The following TACR3 variants were observed in gnomAD, a reference collection of about 807,000 sequenced individuals.
TACR3 encodes the protein neuromedin-K receptor.
A neutral mutation model predicts 35.0 loss-of-function variants in TACR3; 34 were observed. That is an observed-to-expected ratio of 0.97 (90% CI 0.74 to 1.30). The LOEUF (loss-of-function observed/expected upper bound fraction) is 1.30, where lower values mean the gene tolerates loss of function less well. Ranked by LOEUF, TACR3 falls within the 50% of genes most tolerant of loss-of-function variation. The pLI is 0.00. For missense variants in TACR3, 558 were observed against 591.7 expected (o/e 0.94, Z 0.59); for synonymous variants, 233 against 221.1 (o/e 1.05, Z -0.48).
At chr4:103,657,611 TA>T (rs1317954552) in intron 2 of TACR3, among the ~76,000 whole-genome samples, 3 of 152,080 alleles carry the variant, frequency 2.0e-5, no homozygotes, top group Non-Finnish European at 4.4e-5. Flanking sequence ...GATTATAATT[TA>T]AAAATCAAAT....
rs757148190 is a variant in TACR3, at chr4:103,700,257, G to A, written c.548+18871C>T. ...CTTTGTATTCCAGTTGGGAAGAAAT[G>A]TGCACAACTGTTTCCTTCTAGGTGG... On this transcript the variant is annotated intron_variant, in intron 1 of 4. Coordinates refer to ENST00000304883, the MANE Select transcript of TACR3 (RefSeq NM_001059.3). 3.3e-4 allele frequency among the ~76,000 whole-genome samples: 50 copies of A among 152,070 alleles called. 1 individual carries two copies. The highest frequency in any genetic ancestry group is 3.2e-3 in the Middle Eastern group (1 of 316).
chr4:103,601,434 T>C (rs1724199229), intron 3 of TACR3, among the ~76,000 whole-genome samples: 1 of 152,186 alleles, frequency 6.6e-6, no homozygotes, highest in African/African-American at 2.4e-5. Flanking sequence ...CATTATGATG[T>C]TAGCTGGTTA....
At position 103,588,201 on chromosome 4, in the gene TACR3, G is replaced by A. The variant is rs991969497; in HGVS notation, c.*1481C>T. ...TTCAAAAATATTTTGTTTTAATATC[G>A]GTGGAGGCACAACAGTAAAGTGTTT... On this transcript the variant is annotated 3_prime_UTR_variant, in exon 5 of 5. Coordinates refer to ENST00000304883, the MANE Select transcript of TACR3 (RefSeq NM_001059.3). The A allele has an allele frequency of 1.4e-4, 21 of 151,942 alleles. No individual in the cohort carries two copies. Among genetic ancestry groups the A allele is most frequent in the Admixed American group, 1.1e-3 (17 of 15,206 alleles). 9.4% of individuals were successfully genotyped at this position (151,942 alleles called of 1,614,324 possible). A position where few individuals can be genotyped will look rare whatever the true frequency, so the allele number is the denominator to read the frequency against.
intron 1 of TACR3, among the ~76,000 whole-genome samples, chr4:103,713,743 A>G (rs965024973): frequency 6.6e-6 from 1 of 152,190 alleles, no homozygotes; most frequent in Non-Finnish European, 1.5e-5. Flanking sequence ...GACAGGAAAT[A>G]AAGAAGAAGA....
At chr4:103,698,027 C>A (rs1277897644) in intron 1 of TACR3, among the ~76,000 whole-genome samples, 2 of 152,104 alleles carry the variant, frequency 1.3e-5, no homozygotes, top group Non-Finnish European at 2.9e-5. Context: ...TTGAATTATA[C>A]TACTATTGTT....
At chr4:103,663,152 T>C (rs1245779326) in intron 1 of TACR3, among the ~76,000 whole-genome samples, 1 of 152,166 alleles carries the variant, frequency 6.6e-6, no homozygotes, top group Non-Finnish European at 1.5e-5. Context: ...TCAGATTTCC[T>C]CCAGAAAAGA....
At chr4:103,699,967 G>T (rs1055563741) in intron 1 of TACR3, among the ~76,000 whole-genome samples, 15 of 152,104 alleles carry the variant, frequency 9.9e-5, no homozygotes, top group African/African-American at 2.9e-4. Context: ...ATAATTTCAT[G>T]GAATTACGAG....
chr4:103,697,419 TTTA>T (rs1296861492), intron 1 of TACR3, among the ~76,000 whole-genome samples: 11 of 150,712 alleles, frequency 7.3e-5, no homozygotes, highest in African/African-American at 2.7e-4. Flanking sequence ...TATTTATTTA[TTTA>T]TTTATTTATT....
intron 3 of TACR3, among the ~76,000 whole-genome samples, chr4:103,615,376 C>CGTGTGT (rs3974469): frequency 2.8e-4 from 41 of 143,932 alleles, no homozygotes; most frequent in African/African-American, 8.3e-4. Context: ...TTCCTGCTAT[C>CGTGTGT]GTGTGTGTGT....
At chr4:103,598,577 A>G (rs1405118873) in intron 3 of TACR3, among the ~76,000 whole-genome samples, 2 of 152,080 alleles carry the variant, frequency 1.3e-5, no homozygotes, top group East Asian at 3.8e-4. Context: ...TAGGGTTTTT[A>G]TGGTTTTAGG....
chr4:103,667,218 A>G (rs1349752883), intron 1 of TACR3, among the ~76,000 whole-genome samples: 1 of 152,188 alleles, frequency 6.6e-6, no homozygotes, highest in Non-Finnish European at 1.5e-5. Context: ...AGATCGCGCC[A>G]TTGCATTCCA....
rs1560821820 is a variant in TACR3 at position 103,650,539 on chromosome 4, A to AATATGTATTATTTATATATATT, written c.888+5654_888+5655insAATATATATAAATAATACATAT. Among the ~76,000 whole-genome samples, 297 of 88,324 alleles carry AATATGTATTATTTATATATATT rather than the reference A, an allele frequency of 3.4e-3. 6 individuals carry two copies. The highest frequency in any genetic ancestry group is 0.018 in the African/African-American group (284 of 16,114). The allele number at this position is 88,324 out of a possible 152,430, so 57.9% of individuals were successfully genotyped here. On this transcript the variant is annotated intron_variant, in intron 3 of 4. Coordinates refer to ENST00000304883, the MANE Select transcript of TACR3 (RefSeq NM_001059.3). Reference sequence around the variant, plus strand: ...ATAAATATGTATTATTTATATATAAATATATAAAATAAATTTAATAAAATA... The same window carrying AATATGTATTATTTATATATATT: ...ATAAATATGTATTATTTATATATAAAATATGTATTATTTATATATATTTATATAAAATAAATTTAATAAAATA...
intron 3 of TACR3, among the ~76,000 whole-genome samples, chr4:103,642,231 C>T: frequency 6.6e-6 from 1 of 150,494 alleles, no homozygotes; most frequent in East Asian, 1.9e-4. Flanking sequence ...TATATAATCA[C>T]ATTGTATATA....
chr4:103,639,797 C>T (rs1725310435), intron 3 of TACR3, among the ~76,000 whole-genome samples: 1 of 151,932 alleles, frequency 6.6e-6, no homozygotes, highest in Non-Finnish European at 1.5e-5. Context: ...CTTCTAGTTA[C>T]TTCTTTATCT....
chr4:103,651,521 T>C (rs1371949236), intron 3 of TACR3, among the ~76,000 whole-genome samples: 1 of 151,334 alleles, frequency 6.6e-6, no homozygotes, highest in Non-Finnish European at 1.5e-5. Flanking sequence ...GGTCCAAAAA[T>C]GTTGTCCAAG....
intron 3 of TACR3, among the ~76,000 whole-genome samples, chr4:103,613,738 C>G (rs970802121): frequency 2.0e-5 from 3 of 152,220 alleles, no homozygotes; most frequent in African/African-American, 7.2e-5. Flanking sequence ...TCTCACAGTT[C>G]TTTAGGCTGA....
intron 3 of TACR3, among the ~76,000 whole-genome samples, chr4:103,644,827 A>C (rs576186182): frequency 5.9e-5 from 9 of 151,872 alleles, no homozygotes; most frequent in African/African-American, 2.2e-4. Context: ...ATTATGACAA[A>C]TTATTAAGGA....
intron 1 of TACR3, among the ~76,000 whole-genome samples, chr4:103,694,526 A>G (rs1722481466): frequency 6.6e-6 from 1 of 152,020 alleles, no homozygotes; most frequent in African/African-American, 2.4e-5. Flanking sequence ...TCCCCAACCT[A>G]AAGTTTGAAA....
intron 3 of TACR3, among the ~76,000 whole-genome samples, chr4:103,602,943 G>A (rs911009850): frequency 2.0e-5 from 3 of 152,258 alleles, no homozygotes; most frequent in African/African-American, 7.2e-5. Flanking sequence ...TAAGTCTGCA[G>A]AGGTTACTGC....
Sources: allele counts gnomAD v4.1 joint callset (sites outside exome capture counted in the v4.1 genomes callset), GRCh38; gene constraint gnomAD v4.1.1; transcripts MANE v1.5; gene names NCBI Gene and HGNC (gene_info 2026-07-23, HGNC 2026-07-21).